Variants in GIGYF2 observed in about 807,000 individuals in gnomAD.
GIGYF2 encodes GRB10 interacting GYF protein 2.
A neutral mutation model predicts 208.1 loss-of-function variants in GIGYF2; 25 were observed. The ratio of observed to expected loss-of-function variants is 0.12; its 90% CI spans 0.09 to 0.17. The LOEUF (loss-of-function observed/expected upper bound fraction) is 0.17. GIGYF2 is among the 10% of genes least tolerant of loss of function. GIGYF2 has a pLI of 1.00. For missense variants in GIGYF2, 1,302 were observed against 1,579.4 expected (o/e 0.82, Z 2.98); for synonymous variants, 534 against 543.8 (o/e 0.98, Z 0.25).
chr2:232,752,050 G>A (rs910344933), intron 5 of GIGYF2, among the ~76,000 whole-genome samples: 1 of 152,152 alleles, frequency 6.6e-6, no homozygotes, highest in African/African-American at 2.4e-5. Context: ...TGCAAGGATT[G>A]GGAGGTTTTC....
chr2:232,822,690 G>A (rs1211396011), intron 21 of GIGYF2, among the ~76,000 whole-genome samples: 1 of 152,082 alleles, frequency 6.6e-6, no homozygotes, highest in African/African-American at 2.4e-5. Flanking sequence ...AGGGGGAAAA[G>A]CTGTTTATTT....
intron 14 of GIGYF2, among the ~76,000 whole-genome samples, chr2:232,801,151 C>A (rs1439411401): frequency 6.6e-6 from 1 of 152,218 alleles, no homozygotes; most frequent in East Asian, 1.9e-4. Context: ...TGTCTTTCCT[C>A]TGCCACCTTG....
At chr2:232,723,746 T>TC in intron 2 of GIGYF2, among the ~76,000 whole-genome samples, 1 of 144,198 alleles carries the variant, frequency 6.9e-6, no homozygotes, top group Admixed American at 6.9e-5. Context: ...TTTTTTTTTT[T>TC]TTTGAGATGG....
intron 6 of GIGYF2, among the ~76,000 whole-genome samples, chr2:232,757,136 A>G (rs1698580367): frequency 6.6e-6 from 1 of 152,190 alleles, no homozygotes; most frequent in Non-Finnish European, 1.5e-5. Flanking sequence ...GATCATGAGT[A>G]TAGAGTATTT....
intron 2 of GIGYF2, among the ~76,000 whole-genome samples, chr2:232,723,852 C>T (rs1270928589): frequency 6.6e-6 from 1 of 151,338 alleles, no homozygotes; most frequent in Admixed American, 6.6e-5. Context: ...CCTGCCTCAG[C>T]CTCCTGAGTA....
chr2:232,739,785 G>A lies in GIGYF2; in HGVS notation c.41+4547G>A, dbSNP rs1335138171. 2.0e-5 allele frequency among the ~76,000 whole-genome samples: 3 copies of A among 151,886 alleles called. No homozygotes were observed. The East Asian group carries it at 5.8e-4, about 29-fold the overall frequency. ...TTTGGTTTCTATCGTATATGCAAAT[G>A]TATCTTCAAGATATTTAAAAAACAA... On this transcript the variant is annotated intron_variant, in intron 3 of 28. Coordinates refer to ENST00000373563, the MANE Select transcript of GIGYF2 (RefSeq NM_001103146.3).
chr2:232,787,230 C>T lies in GIGYF2; in HGVS notation c.613C>T (p.Arg205Cys). The T allele has an allele frequency of 1.2e-6, 2 of 1,613,610 alleles. No individual in the cohort carries two copies. The highest frequency in any genetic ancestry group is 1.7e-6 in the Non-Finnish European group (2 of 1,179,756). Residue 205 changes from arginine to cysteine, a missense_variant, in exon 9 of 29, where the codon CGC becomes TGC. By Grantham distance (180) the Arg-to-Cys change is radical. This residue lies in a region of GIGYF2 where 189 missense variants were observed against 257.7 expected (regional missense o/e 0.73). Coordinates refer to ENST00000373563, the MANE Select transcript of GIGYF2 (RefSeq NM_001103146.3). ...EFIRSESENWRIFREEQNGED... is the reference protein window; with the variant it reads ...EFIRSESENWCIFREEQNGED... The stretch of plus-strand genomic sequence containing the variant: ...TATACGCTCAGAAAGTGAAAATTGG[C>T]GCATCTTTAGAGAGGAACAAAATGG...
intron 23 of GIGYF2, chr2:232,843,176 T>C (rs1254107937): frequency 8.2e-6 from 1 of 122,450 alleles, no homozygotes; most frequent in Non-Finnish European, 1.7e-5. Flanking sequence ...TGTGTGTGTG[T>C]GTGTGTATAA....
chr2:232,751,912 A>G (rs77632866), intron 5 of GIGYF2, among the ~76,000 whole-genome samples: 1,563 of 152,292 alleles, frequency 0.01, 24 homozygotes, highest in African/African-American at 0.035. Context: ...GAGAAGAGTA[A>G]AATTAGGTAT....
chr2:232,748,705 A>G (rs1458595241), intron 4 of GIGYF2, among the ~76,000 whole-genome samples: 1 of 152,170 alleles, frequency 6.6e-6, no homozygotes, highest in South Asian at 2.1e-4. Flanking sequence ...TAATGTAGAG[A>G]CTTTTATTCC....
In GIGYF2 at chr2:232,815,827, C is replaced by G. The variant is rs111631308; in HGVS notation, c.2208+90C>G. 2,398 of 744,686 alleles carry G rather than the reference C, an allele frequency of 3.2e-3. 32 individuals carry two copies. The African/African-American group carries it at 0.033, about 10-fold the overall frequency. The allele number at this position is 744,686 out of a possible 1,614,324, so 46.1% of individuals were successfully genotyped here. A position where few individuals can be genotyped will look rare whatever the true frequency, so the allele number is the denominator to read the frequency against. ...TTATTCATCTCTCTAGCTAGCTATG[C>G]TTTTTACTTTCAGTTTACTGCTGCT... On this transcript the variant is annotated intron_variant, in intron 19 of 28. Coordinates refer to ENST00000373563, the MANE Select transcript of GIGYF2 (RefSeq NM_001103146.3).
Position 232,750,674 on chromosome 2 carries a change from A to G in GIGYF2, c.267+1592A>G, listed in dbSNP as rs139186525. Reference sequence around the variant, plus strand: ...GTTAATTTTTTTCTTGCCTTTGCCAATTTTTCTTTTGGGATATTCATCTTT... The same window carrying G: ...GTTAATTTTTTTCTTGCCTTTGCCAGTTTTTCTTTTGGGATATTCATCTTT... On this transcript the variant is annotated intron_variant, in intron 5 of 28. Transcript: ENST00000373563. Among the ~76,000 whole-genome samples, 1,341 of 146,104 alleles carry G rather than the reference A, an allele frequency of 9.2e-3. 35 individuals carry two copies. The highest frequency in any genetic ancestry group is 0.057 in the Admixed American group (848 of 14,798).
chr2:232,706,308 A>C (rs1212127331), intron 2 of GIGYF2, among the ~76,000 whole-genome samples: 3 of 152,132 alleles, frequency 2.0e-5, no homozygotes, highest in Admixed American at 6.6e-5. Flanking sequence ...ACATATGCAG[A>C]GCTTTGTGAG....
Position 232,816,923 on chromosome 2 carries a change from A to C in GIGYF2, c.2261A>C (p.Glu754Ala). 6.2e-7 allele frequency: 1 copy of C among 1,612,666 alleles called. No homozygotes were observed. Among genetic ancestry groups the C allele is most frequent in the Non-Finnish European group, 8.5e-7 (1 of 1,178,658 alleles). Residue 754 changes from glutamate to alanine, a missense_variant, in exon 20 of 29, where the codon GAG (glutamate) becomes GCG (alanine). By Grantham distance (107) the Glu-to-Ala change is moderately radical. Around this residue, in one of 8 missense-constraint regions of GIGYF2, gnomAD observed 701 missense variants for 793.0 expected, o/e 0.88. Transcript: ENST00000373563. Reference protein sequence around the residue: ...AEMRAKREEEERKRQEELRRQ... With the variant: ...AEMRAKREEEARKRQEELRRQ... Reference sequence around the variant, plus strand: ...ATGAGGGCAAAACGGGAAGAGGAAGAGCGAAAGAGGCAGGAAGAACTCCGA... The same window carrying C: ...ATGAGGGCAAAACGGGAAGAGGAAGCGCGAAAGAGGCAGGAAGAACTCCGA...
At chr2:232,761,516 C>A in intron 8 of GIGYF2, 80 bp downstream of exon 8, 2 of 812,702 alleles carry the variant, frequency 2.5e-6, no homozygotes, top group Non-Finnish European at 4.3e-6. Flanking sequence ...GTAGATGGGG[C>A]TGCAGCATTT....
intron 3 of GIGYF2, chr2:232,735,738 T>C: frequency 1.0e-6 from 1 of 986,000 alleles, no homozygotes; most frequent in Non-Finnish European, 1.2e-6. Flanking sequence ...TAATAACGAT[T>C]AATTGACCTT....
intron 3 of GIGYF2, among the ~76,000 whole-genome samples, chr2:232,742,062 A>C (rs1276081495): frequency 3.9e-5 from 6 of 152,196 alleles, no homozygotes; most frequent in African/African-American, 1.4e-4. Flanking sequence ...GGTGAAAAAG[A>C]TTAGGAAGAA....
At chr2:232,745,349 C>T (rs1210611992) in intron 3 of GIGYF2, among the ~76,000 whole-genome samples, 1 of 151,902 alleles carries the variant, frequency 6.6e-6, no homozygotes, top group Non-Finnish European at 1.5e-5. Context: ...CAAGATGAAC[C>T]TGGAACATTC....
At chr2:232,801,813 A>G (rs1700407933) in intron 14 of GIGYF2, among the ~76,000 whole-genome samples, 1 of 152,178 alleles carries the variant, frequency 6.6e-6, no homozygotes, top group African/African-American at 2.4e-5. Context: ...TTCTGCAGCA[A>G]GCTTCATTGG....
Sources: gnomAD v4.1 joint callset for allele counts (sites outside exome capture counted in the v4.1 genomes callset) on GRCh38, gnomAD v4.1.1 for gene constraint, gnomAD v4.1.1 regional missense constraint, MANE v1.5 for transcripts, NCBI Gene and HGNC (gene_info 2026-07-23, HGNC 2026-07-21) for gene names.